The following WWOX variants were observed in gnomAD, a reference collection of about 807,000 sequenced individuals.
The protein encoded by WWOX is WW domain-containing oxidoreductase.
A neutral mutation model predicts 46.2 loss-of-function variants in WWOX; 69 were observed. The observed-to-expected ratio is 1.49, with a 90% CI of 1.23 to 1.82. The LOEUF is 1.82. Ranked by LOEUF, WWOX falls within the 40% of genes most tolerant of loss-of-function variation. WWOX has a pLI of 0.00. For synonymous variants in WWOX, 359 were observed against 202.6 expected (o/e 1.77, Z -6.56); for missense variants, 919 against 542.6 (o/e 1.69, Z -6.89).
intron 8 of WWOX, among the ~76,000 whole-genome samples, chr16:79,165,923 T>A (rs2050585422): frequency 6.6e-6 from 1 of 152,190 alleles, no homozygotes; most frequent in African/African-American, 2.4e-5. Flanking sequence ...TCAACTCAAT[T>A]ACCAGCCCTC....
chr16:78,395,228 C>T (rs958847276), intron 6 of WWOX, among the ~76,000 whole-genome samples: 1 of 152,088 alleles, frequency 6.6e-6, no homozygotes, highest in African/African-American at 2.4e-5. Flanking sequence ...CTTTCACAAT[C>T]GTTTGAGAGG....
chr16:78,978,510 G>C (rs1483945126), intron 8 of WWOX, among the ~76,000 whole-genome samples: 1 of 152,094 alleles, frequency 6.6e-6, no homozygotes, highest in Non-Finnish European at 1.5e-5. Context: ...AGTCTATTCT[G>C]GCACTGCTAT....
At chr16:78,704,881 T>G (rs955974116) in intron 8 of WWOX, among the ~76,000 whole-genome samples, 1 of 151,632 alleles carries the variant, frequency 6.6e-6, no homozygotes, top group Non-Finnish European at 1.5e-5. Context: ...AACTCTTTTA[T>G]TTTTTTTAAT....
At chr16:79,195,606 G>A (rs572965166) in intron 8 of WWOX, among the ~76,000 whole-genome samples, 1 of 152,322 alleles carries the variant, frequency 6.6e-6, no homozygotes, top group East Asian at 1.9e-4. Flanking sequence ...TAACTTCAGG[G>A]TATATTCATG....
At chr16:78,613,776 C>G (rs919431529) in intron 8 of WWOX, among the ~76,000 whole-genome samples, 3 of 152,190 alleles carry the variant, frequency 2.0e-5, no homozygotes, top group Admixed American at 6.5e-5. Context: ...AACCCCTTAT[C>G]AGAAACTTTG....
chr16:78,720,169 T>G (rs2048656743), intron 8 of WWOX, among the ~76,000 whole-genome samples: 1 of 152,182 alleles, frequency 6.6e-6, no homozygotes, highest in Non-Finnish European at 1.5e-5. Flanking sequence ...ATGGTGAGTG[T>G]TTGAAAATTG....
At chr16:79,030,333 A>G (rs1024861225) in intron 8 of WWOX, among the ~76,000 whole-genome samples, 1 of 152,338 alleles carries the variant, frequency 6.6e-6, no homozygotes, top group East Asian at 1.9e-4. Context: ...TCTTCTGAAA[A>G]GGAATCTGAC....
chr16:78,684,993 T>G (rs1273469169), intron 8 of WWOX, among the ~76,000 whole-genome samples: 6 of 152,186 alleles, frequency 3.9e-5, no homozygotes, highest in Non-Finnish European at 7.3e-5. Flanking sequence ...GTTCTCAATG[T>G]GATTTTTATT....
intron 8 of WWOX, among the ~76,000 whole-genome samples, chr16:78,448,496 G>C (rs1275455752): frequency 6.6e-6 from 1 of 152,054 alleles, no homozygotes; most frequent in East Asian, 1.9e-4. Flanking sequence ...TACCGACAAA[G>C]CTGGTGCCCC....
intron 8 of WWOX, among the ~76,000 whole-genome samples, chr16:78,859,027 A>AAAATATAT (rs1555551610): frequency 4.2e-5 from 1 of 23,688 alleles, no homozygotes; most frequent in Admixed American, 6.6e-4. Context: ...AAAAAAAAAA[A>AAAATATAT]ATATATATAT....
intron 8 of WWOX, among the ~76,000 whole-genome samples, chr16:79,125,290 C>T (rs1248321350): frequency 6.6e-6 from 1 of 152,234 alleles, no homozygotes; most frequent in East Asian, 1.9e-4. Flanking sequence ...TCTTCCAAAC[C>T]TCCGTAATTG....
chr16:78,493,767 A>G (rs4888810), intron 8 of WWOX, among the ~76,000 whole-genome samples: 74,867 of 152,108 alleles, frequency 0.49, 22,636 homozygotes, highest in Middle Eastern at 0.68. Flanking sequence ...CATACAGAAG[A>G]GATGGAACTA....
chr16:78,633,276 CAAAA>C (rs1379441793), intron 8 of WWOX, among the ~76,000 whole-genome samples: 2 of 151,950 alleles, frequency 1.3e-5, no homozygotes, highest in Non-Finnish European at 2.9e-5. Context: ...CAAAACAAAA[CAAAA>C]AAACAAGAAG....
intron 5 of WWOX, among the ~76,000 whole-genome samples, chr16:78,189,963 T>A (rs1306139675): frequency 3.9e-5 from 6 of 152,100 alleles, no homozygotes; most frequent in Admixed American, 1.3e-4. Flanking sequence ...CTCAAATCCT[T>A]CTTACTTTTC....
intron 8 of WWOX, among the ~76,000 whole-genome samples, chr16:79,072,361 C>T (rs936105191): frequency 3.3e-5 from 5 of 152,138 alleles, no homozygotes; most frequent in Admixed American, 1.3e-4. Flanking sequence ...GTCACATTTC[C>T]TGCAAAGTTG....
chr16:78,611,711 A>G (rs927240900), intron 8 of WWOX, among the ~76,000 whole-genome samples: 1 of 152,336 alleles, frequency 6.6e-6, no homozygotes, highest in South Asian at 2.1e-4. Flanking sequence ...TCAGCAACTC[A>G]TATATTTCTC....
At chr16:78,168,267 C>G (rs1220224130) in intron 5 of WWOX, 3 of 152,248 alleles carry the variant, frequency 2.0e-5, no homozygotes, top group Admixed American at 1.3e-4. Context: ...ACTGCACATT[C>G]CGGGATCGCC....
At chr16:78,890,104 CACACAT>C (rs1165569703) in intron 8 of WWOX, 1 of 152,058 alleles carries the variant, frequency 6.6e-6, no homozygotes, top group Non-Finnish European at 1.5e-5. Context: ...CACACATGTA[CACACAT>C]ACACATACAC....
intron 8 of WWOX, among the ~76,000 whole-genome samples, chr16:79,014,040 C>T (rs1163635910): frequency 6.6e-6 from 1 of 152,188 alleles, no homozygotes; most frequent in East Asian, 1.9e-4. Context: ...AATTTAGAGA[C>T]TGTCAATTCC....
Sources: allele counts gnomAD v4.1 joint callset (sites outside exome capture counted in the v4.1 genomes callset), GRCh38; gene constraint gnomAD v4.1.1; transcripts MANE v1.5; gene names NCBI Gene and HGNC (gene_info 2026-07-23, HGNC 2026-07-21).